The following MGST1 variants were observed in gnomAD, a reference collection of about 807,000 sequenced individuals.
MGST1 encodes glutathione S-transferase 12.
MGST1 carries 5 observed loss-of-function variants against 8.9 expected under a neutral mutation model. That is an observed-to-expected ratio of 0.56 (90% CI 0.29 to 1.19). The LOEUF is 1.19. Ranked by LOEUF, MGST1 falls within the 50% of genes most tolerant of loss-of-function variation. The probability of loss-of-function intolerance (pLI) is 0.08; values close to 1 mark genes in which losing one functional copy is unlikely to be tolerated. For missense variants in MGST1, 182 were observed against 187.4 expected (o/e 0.97, Z 0.17); for synonymous variants, 54 against 67.8 (o/e 0.80, Z 1.00).
rs1198260707 is a variant in MGST1, at chr12:16,458,032, A to G, written n.482+74428A>G. Among the ~76,000 whole-genome samples, 2 of 152,038 alleles carry G rather than the reference A, an allele frequency of 1.3e-5. No homozygotes were observed. Among genetic ancestry groups the G allele is most frequent in the African/African-American group, 2.4e-5 (1 of 41,438 alleles). Reference sequence around the variant, plus strand: ...AGCTTTTGCTTGCCCTAGCAATATTATAACTGCTAATTCAATTACACTGAA... The same window carrying G: ...AGCTTTTGCTTGCCCTAGCAATATTGTAACTGCTAATTCAATTACACTGAA... On this transcript the variant is annotated intron_variant and non_coding_transcript_variant, in intron 4 of 4. Transcript: ENST00000538857. This position sits in a 1 kb window ranked among gnomAD's most constrained non-coding sequence, Gnocchi z 4.0.
At chr12:16,506,422 A>G (rs1399745392) in intron 4 of MGST1, among the ~76,000 whole-genome samples, 1 of 152,156 alleles carries the variant, frequency 6.6e-6, no homozygotes, top group Non-Finnish European at 1.5e-5. Flanking sequence ...CTCTGTGAAG[A>G]TGGTATGGAA....
intron 4 of MGST1, among the ~76,000 whole-genome samples, chr12:16,471,811 GT>G (rs1941290839): frequency 6.6e-6 from 1 of 152,194 alleles, no homozygotes; most frequent in African/African-American, 2.4e-5. Context: ...CACCAATGTT[GT>G]GGAAAAAATA....
intron 4 of MGST1, among the ~76,000 whole-genome samples, chr12:16,483,113 C>T (rs1008520559): frequency 6.6e-6 from 1 of 152,110 alleles, no homozygotes; most frequent in Non-Finnish European, 1.5e-5. Flanking sequence ...GTTTGTTTAC[C>T]ATAAGCAGGC....
At chr12:16,399,215 A>G (rs1043817440) in intron 1 of MGST1, 7 of 1,413,352 alleles carry the variant, frequency 5.0e-6, no homozygotes, top group African/African-American at 1.4e-5. Context: ...TTTCTATGTC[A>G]TGTAAAATTT....
chr12:16,366,917 A>G (rs755700356), downstream of MGST1, among the ~76,000 whole-genome samples: 16 of 152,078 alleles, frequency 1.1e-4, no homozygotes, highest in Non-Finnish European at 1.8e-4. The surrounding 1 kb of genome is among the most constrained non-coding windows in gnomAD (Gnocchi z 4.0). Flanking sequence ...GTGACTCTCA[A>G]ATGAAATTGG....
chr12:16,496,723 C>T (rs576464983), intron 4 of MGST1, among the ~76,000 whole-genome samples: 21 of 152,082 alleles, frequency 1.4e-4, no homozygotes, highest in African/African-American at 4.1e-4. Flanking sequence ...TGGGAACATG[C>T]GGTATTTGGT....
intron 3 of MGST1, among the ~76,000 whole-genome samples, chr12:16,373,073 G>A (rs1940324154): frequency 7.2e-6 from 1 of 138,354 alleles, no homozygotes; most frequent in Admixed American, 7.1e-5. Flanking sequence ...ATATTATTTG[G>A]CCATAAAAAA....
At chr12:16,465,158 G>T (rs1188174867) in intron 4 of MGST1, among the ~76,000 whole-genome samples, 1 of 152,214 alleles carries the variant, frequency 6.6e-6, no homozygotes, top group Admixed American at 6.5e-5. Flanking sequence ...GGTATGGTTT[G>T]TGCTTGTACA....
At chr12:16,440,479 T>A (rs1229964074), downstream of MGST1, among the ~76,000 whole-genome samples, 3 of 151,814 alleles carry the variant, frequency 2.0e-5, no homozygotes, top group African/African-American at 7.2e-5. Flanking sequence ...CTGAACTCCA[T>A]GTGGACTCTA....
chr12:16,428,360 A>AT (rs1037964050), intron 1 of MGST1, among the ~76,000 whole-genome samples: 2 of 151,632 alleles, frequency 1.3e-5, no homozygotes, highest in African/African-American at 2.4e-5. Flanking sequence ...CATTTTCCTA[A>AT]TTTTTTTCTG....
At position 16,389,656 on chromosome 12, in the gene MGST1, C is replaced by G. The variant is rs77866155; in HGVS notation, n.778+6052C>G. 0.015 allele frequency among the ~76,000 whole-genome samples: 2,217 copies of G among 152,154 alleles called. 62 individuals carry two copies. Among genetic ancestry groups the G allele is most frequent in the African/African-American group, 0.05 (2,085 of 41,502 alleles). On this transcript the variant is annotated intron_variant and non_coding_transcript_variant, in intron 1 of 1. Transcript: ENST00000359720. The surrounding 1 kb of genome is among the most constrained non-coding windows in gnomAD (Gnocchi z 4.6). ...GAGGGACTACAGAGAAGCAAGGATT[C>G]CAGATGGAGGGAGAGTTTGGAATGT...
At chr12:16,545,403 G>T (rs1327702454) in intron 4 of MGST1, among the ~76,000 whole-genome samples, 1 of 152,060 alleles carries the variant, frequency 6.6e-6, no homozygotes, top group East Asian at 1.9e-4. Flanking sequence ...CACACAGGGT[G>T]GGTGCCCACA....
At chr12:16,462,896 C>T (rs1278894793) in intron 4 of MGST1, among the ~76,000 whole-genome samples, 1 of 152,140 alleles carries the variant, frequency 6.6e-6, no homozygotes, top group East Asian at 1.9e-4. Flanking sequence ...TTTTATTCCT[C>T]TTATGGTGAA....
chr12:16,496,364 G>A (rs1941469736), intron 4 of MGST1, among the ~76,000 whole-genome samples: 1 of 152,184 alleles, frequency 6.6e-6, no homozygotes, highest in African/African-American at 2.4e-5. Flanking sequence ...CCAGAAACAT[G>A]TGTGAATCTT....
chr12:16,529,354 A>G (rs1941707538), intron 4 of MGST1, among the ~76,000 whole-genome samples: 1 of 152,038 alleles, frequency 6.6e-6, no homozygotes, highest in African/African-American at 2.4e-5. Flanking sequence ...AAAAATAATT[A>G]TTGACTTATT....
At chr12:16,418,801 G>T (rs74063781) in intron 1 of MGST1, among the ~76,000 whole-genome samples, 129 of 152,178 alleles carry the variant, frequency 8.5e-4, no homozygotes, top group African/African-American at 2.8e-3. Flanking sequence ...TACATATAAA[G>T]AACTTAACAC....
intron 4 of MGST1, among the ~76,000 whole-genome samples, chr12:16,493,582 T>C (rs1941453001): frequency 6.6e-6 from 1 of 152,154 alleles, no homozygotes; most frequent in Non-Finnish European, 1.5e-5. Flanking sequence ...AAATAAGAAC[T>C]TTCATAACAG....
chr12:16,551,640 C>G (rs1249065726), intron 4 of MGST1, among the ~76,000 whole-genome samples: 1 of 149,932 alleles, frequency 6.7e-6, no homozygotes, highest in Non-Finnish European at 1.5e-5. Context: ...ATAAAAAGAA[C>G]TGATCTGTAT....
At position 16,479,235 on chromosome 12, in the gene MGST1, CT is replaced by C. The variant is rs542448251; in HGVS notation, n.482+95650del. Reference sequence around the variant, plus strand: ...ATAACGTATTTTTAATAGACTGTATCTTTTTTTTTTTTTTTTTTTGACGGAG... The same window carrying C: ...ATAACGTATTTTTAATAGACTGTATCTTTTTTTTTTTTTTTTTTGACGGAG... On this transcript the variant is annotated intron_variant and non_coding_transcript_variant, in intron 4 of 4. Coordinates refer to the MGST1 transcript ENST00000538857. Among the ~76,000 whole-genome samples, 799 of 112,010 alleles carry C rather than the reference CT, an allele frequency of 7.1e-3. 3 individuals are homozygous for C. The highest frequency in any genetic ancestry group is 0.023 in the African/African-American group (641 of 28,262). The allele number at this position is 112,010 out of a possible 152,430, so 73.5% of individuals were successfully genotyped here.
Sources: allele counts gnomAD v4.1 joint callset (sites outside exome capture counted in the v4.1 genomes callset), GRCh38; gene constraint gnomAD v4.1.1; non-coding constraint Gnocchi (gnomAD v3.1); transcripts MANE v1.5; gene names NCBI Gene and HGNC (gene_info 2026-07-23, HGNC 2026-07-21).